SLC28A1: variants seen among roughly 807,000 people sequenced by gnomAD.
SLC28A1 encodes sodium/nucleoside cotransporter 1.
SLC28A1 carries 64 observed loss-of-function variants against 74.8 expected under a neutral mutation model. The observed-to-expected ratio is 0.86, with a 90% CI of 0.70 to 1.05. The LOEUF is 1.05. Ranked by LOEUF, SLC28A1 falls within the 50% of genes least tolerant of loss-of-function variation. The pLI, the probability that SLC28A1 is intolerant of heterozygous loss-of-function variation, is 0.00. For synonymous variants in SLC28A1, 359 were observed against 335.0 expected (o/e 1.07, Z -0.78); for missense variants, 828 against 822.8 (o/e 1.01, Z -0.08).
intron 12 of SLC28A1, among the ~76,000 whole-genome samples, chr15:84,931,722 G>A (rs887530615): frequency 4.8e-5 from 7 of 146,706 alleles, no homozygotes; most frequent in Admixed American, 2.8e-4. Flanking sequence ...AAAGAAAATC[G>A]GCCGGGGATG....
At chr15:84,889,197 G>A (rs570161734) in intron 4 of SLC28A1, among the ~76,000 whole-genome samples, 68 of 152,286 alleles carry the variant, frequency 4.5e-4, no homozygotes, top group Non-Finnish European at 9.3e-4. Flanking sequence ...CGGGGAGTCT[G>A]AAGACTCCGG....
At chr15:84,928,222 C>T (rs549118606) in intron 12 of SLC28A1, among the ~76,000 whole-genome samples, 9 of 152,298 alleles carry the variant, frequency 5.9e-5, no homozygotes, top group African/African-American at 2.2e-4. Context: ...CCTAGGTGCC[C>T]TTGAGCCTCC....
At chr15:84,888,939 G>T in intron 4 of SLC28A1, 79 bp downstream of exon 4, 1 of 1,000,302 alleles carries the variant, frequency 1.0e-6, no homozygotes. Flanking sequence ...GGGCCTCCTG[G>T]CGGATGGGAG....
At chr15:84,907,270 C>T (rs1967387635) in intron 8 of SLC28A1, among the ~76,000 whole-genome samples, 1 of 152,112 alleles carries the variant, frequency 6.6e-6, no homozygotes, top group African/African-American at 2.4e-5. Context: ...AACTAATGGT[C>T]TCCTTTATTT....
the SLC28A1 span, among the ~76,000 whole-genome samples, chr15:84,954,141 T>C: frequency 2.6e-5 from 4 of 152,204 alleles, no homozygotes; most frequent in Non-Finnish European, 5.9e-5. Flanking sequence ...AGAATGTGAT[T>C]GATCTGTCAG....
intron 16 of SLC28A1, 78 bp downstream of exon 16, chr15:84,943,604 G>A (rs1972967469): frequency 9.1e-7 from 1 of 1,104,484 alleles, no homozygotes; most frequent in South Asian, 1.3e-5. Flanking sequence ...GGCCTCAGTT[G>A]TCTCATTTGT....
chr15:84,963,339 G>A, the SLC28A1 span, among the ~76,000 whole-genome samples: 7 of 152,112 alleles, frequency 4.6e-5, no homozygotes, highest in African/African-American at 1.4e-4. Flanking sequence ...CCCCAGGAGT[G>A]GGCATCCACT....
intron 6 of SLC28A1, 145 bp downstream of exon 6, chr15:84,895,268 G>A: frequency 6.3e-7 from 1 of 1,577,350 alleles, no homozygotes; most frequent in East Asian, 2.2e-5. Context: ...GAGCCAGTGG[G>A]TGGCTTCAAA....
the SLC28A1 span, among the ~76,000 whole-genome samples, chr15:84,956,286 CA>C: frequency 5.3e-5 from 8 of 152,212 alleles, no homozygotes; most frequent in Admixed American, 2.6e-4. Flanking sequence ...ATACAACTTT[CA>C]GAAAAAGCTG....
chr15:84,895,295 T>A (rs1965864057), intron 6 of SLC28A1, 172 bp downstream of exon 6: 12 of 1,596,094 alleles, frequency 7.5e-6, no homozygotes, highest in African/African-American at 1.3e-5. Context: ...AGCATCTTTG[T>A]GGTGTTTCAC....
Position 84,928,550 on chromosome 15 carries a change from CT to C in SLC28A1, c.1083+4443del. Among the ~76,000 whole-genome samples, 2 of 26,146 alleles carry C rather than the reference CT, an allele frequency of 7.6e-5. 1 individual carries two copies. The highest frequency in any genetic ancestry group is 1.2e-4 in the Non-Finnish European group (2 of 16,392). The allele number at this position is 26,146 out of a possible 152,430, so 17.2% of individuals were successfully genotyped here. ...TCGTTCTTTCTTTCTTTCTTTCTTT[CT>C]TTCTTTCTTTCTTTCTTTCTTTCTT... On this transcript the variant is annotated intron_variant, in intron 12 of 18. Transcript: ENST00000394573.
chr15:84,935,944 G>GTTTTTTTTTTTTT (rs1555456047), intron 15 of SLC28A1, among the ~76,000 whole-genome samples: 2 of 90,106 alleles, frequency 2.2e-5, no homozygotes, highest in African/African-American at 4.1e-5. Context: ...GTTTTGGTTT[G>GTTTTTTTTTTTTT]GTTTTTGTTT....
chr15:84,968,724 C>G, the SLC28A1 span, among the ~76,000 whole-genome samples: 1 of 152,228 alleles, frequency 6.6e-6, no homozygotes, highest in Admixed American at 6.5e-5. Flanking sequence ...ATCTTGAGAA[C>G]GATCTGTTGC....
chr15:84,893,396 A>G (rs1965588354), intron 5 of SLC28A1, among the ~76,000 whole-genome samples: 1 of 152,178 alleles, frequency 6.6e-6, no homozygotes, highest in African/African-American at 2.4e-5. Context: ...GTGTGTCTCA[A>G]TGACACCCGT....
intron 10 of SLC28A1, 41 bp downstream of exon 10, chr15:84,918,645 A>G: frequency 6.9e-7 from 1 of 1,458,748 alleles, no homozygotes; most frequent in East Asian, 2.3e-5. Context: ...TCCCAGAGTC[A>G]CCAGCTCACA....
intron 18 of SLC28A1, 116 bp from the exon 19 acceptor site, chr15:84,945,009 C>A: frequency 2.7e-6 from 3 of 1,117,790 alleles, no homozygotes; most frequent in Non-Finnish European, 4.1e-6. Context: ...GCTCGAGGAC[C>A]AATGGAGGAA....
chr15:84,953,180 C>T, the SLC28A1 span, among the ~76,000 whole-genome samples: 5 of 152,212 alleles, frequency 3.3e-5, no homozygotes, highest in East Asian at 7.7e-4. Flanking sequence ...GTGTCAGCTG[C>T]TCTGAGCCAG....
the SLC28A1 span, among the ~76,000 whole-genome samples, chr15:84,960,228 CTTTTTTTTTTTTTTTTT>C: frequency 6.0e-4 from 51 of 85,576 alleles, 9 homozygotes; most frequent in African/African-American, 2.4e-3. Flanking sequence ...TGCCTGCCTG[CTTTTTTTTTTTTTTTTT>C]TTTTTTTTTT....
chr15:84,961,418 A>G, the SLC28A1 span: 1 of 429,914 alleles, frequency 2.3e-6, no homozygotes. Context: ...TGTAGCCTCA[A>G]CCTCCTGGGC....
Sources: allele counts gnomAD v4.1 joint callset (sites outside exome capture counted in the v4.1 genomes callset), GRCh38; gene constraint gnomAD v4.1.1; transcripts MANE v1.5; gene names NCBI Gene and HGNC (gene_info 2026-07-23, HGNC 2026-07-21).